The following GRK3 variants were observed in gnomAD, a reference collection of about 807,000 sequenced individuals.
The protein encoded by GRK3 is G protein-coupled receptor kinase 3, also known as adrenergic, beta, receptor kinase 2.
A neutral mutation model predicts 95.7 loss-of-function variants in GRK3; 54 were observed. That is an observed-to-expected ratio of 0.56 (90% CI 0.45 to 0.71). The LOEUF (loss-of-function observed/expected upper bound fraction) is 0.71. GRK3 is among the 30% of genes least tolerant of loss of function. GRK3 has a pLI of 0.00. For synonymous variants in GRK3, 281 were observed against 290.8 expected (o/e 0.97, Z 0.34); for missense variants, 649 against 851.2 (o/e 0.76, Z 2.96).
At chr22:25,698,473 G>A (rs537271813) in intron 13 of GRK3, among the ~76,000 whole-genome samples, 6 of 152,292 alleles carry the variant, frequency 3.9e-5, no homozygotes, top group African/African-American at 1.2e-4. Flanking sequence ...GTGTAGGGTT[G>A]ACATCATGTG....
At chr22:25,709,416 G>A (rs1735956415) in intron 15 of GRK3, among the ~76,000 whole-genome samples, 1 of 152,154 alleles carries the variant, frequency 6.6e-6, no homozygotes, top group African/African-American at 2.4e-5. Context: ...AAGGGTTTTG[G>A]TATACATTAT....
chr22:25,608,730 T>G (rs1314207441), intron 2 of GRK3, among the ~76,000 whole-genome samples: 2 of 152,186 alleles, frequency 1.3e-5, no homozygotes, highest in Middle Eastern at 3.4e-3. Flanking sequence ...GATTCCTACT[T>G]GGAGCCTGTA....
intron 13 of GRK3, among the ~76,000 whole-genome samples, chr22:25,699,160 C>T (rs1022352058): frequency 1.3e-5 from 2 of 152,110 alleles, no homozygotes; most frequent in Admixed American, 6.5e-5. Flanking sequence ...GATAATGCCA[C>T]CTGTTCTACT....
chr22:25,604,876 T>A (rs536425737), intron 2 of GRK3, among the ~76,000 whole-genome samples: 2 of 152,334 alleles, frequency 1.3e-5, no homozygotes, highest in African/African-American at 2.4e-5. Flanking sequence ...GTGCTCTGTT[T>A]CCATGATTAA....
Position 25,661,593 on chromosome 22 carries a change from A to C in GRK3, c.282A>C (p.Lys94Asn). 6.2e-7 allele frequency: 1 copy of C among 1,611,332 alleles called. No homozygotes were observed. Among genetic ancestry groups the C allele is most frequent in the Non-Finnish European group, 8.5e-7 (1 of 1,178,108 alleles). ...AAACCTAGATAAAGGAATATGAAAA[A>C]CTTGATAATGAGGAAGACCGCCTTT... ...KFYEEIKEYE[K>N]LDNEEDRLCR... The change falls in exon 4 of 21, where the codon AAA becomes AAC. Residue 94 changes from lysine to asparagine, a missense_variant. Around this residue, in one of 3 missense-constraint regions of GRK3, gnomAD observed 206 missense variants for 231.4 expected, o/e 0.89. Coordinates refer to ENST00000324198, the MANE Select transcript of GRK3 (RefSeq NM_005160.4).
chr22:25,687,874 C>T (rs1203858371), intron 11 of GRK3, among the ~76,000 whole-genome samples: 1 of 152,186 alleles, frequency 6.6e-6, no homozygotes, highest in African/African-American at 2.4e-5. Flanking sequence ...ATTATTATAA[C>T]CCTGGTGCCT....
intron 2 of GRK3, among the ~76,000 whole-genome samples, chr22:25,604,971 T>G (rs1394139559): frequency 6.6e-6 from 1 of 152,234 alleles, no homozygotes; most frequent in East Asian, 1.9e-4. Context: ...GATGAGGAGA[T>G]GTAGACACAG....
At position 25,727,733 on chromosome 22, in the gene GRK3, T is replaced by A. The variant is rs913610282; in HGVS notation, c.*5283T>A. The A allele has an allele frequency of 1.3e-5, 2 of 152,210 alleles. No individual in the cohort carries two copies. The highest frequency in any genetic ancestry group is 4.8e-5 in the African/African-American group (2 of 41,442). 9.4% of individuals were successfully genotyped at this position (152,210 alleles called of 1,614,324 possible). A position where few individuals can be genotyped will look rare whatever the true frequency, so the allele number is the denominator to read the frequency against. On this transcript the variant is annotated 3_prime_UTR_variant, in exon 21 of 21. Coordinates refer to ENST00000324198, the MANE Select transcript of GRK3 (RefSeq NM_005160.4). ...TGGTAACTATGCTTCCATTTTTAAT[T>A]TTGTCCTAAATATCAGATGTCTTTG...
rs2085487537 is a variant in GRK3, at chr22:25,727,967, A to C, written c.*5517A>C. The stretch of plus-strand genomic sequence containing the variant: ...GATCTGGCTTTTTCTGGATAGCATA[A>C]AGATCACTGAACTATATATATATAA... On this transcript the variant is annotated 3_prime_UTR_variant, in exon 21 of 21. Transcript: ENST00000324198. 6.6e-6 allele frequency: 1 copy of C among 151,980 alleles called. No homozygotes were observed. The highest frequency in any genetic ancestry group is 2.1e-4 in the South Asian group (1 of 4,820). The allele number at this position is 151,980 out of a possible 1,614,324, so 9.4% of individuals were successfully genotyped here. A position where few individuals can be genotyped will look rare whatever the true frequency, so the allele number is the denominator to read the frequency against.
intron 15 of GRK3, among the ~76,000 whole-genome samples, chr22:25,709,671 T>G (rs745758025): frequency 1.3e-5 from 2 of 152,162 alleles, no homozygotes; most frequent in Non-Finnish European, 2.9e-5. Context: ...GTAATAACTA[T>G]CCCAAATAAA....
intron 1 of GRK3, among the ~76,000 whole-genome samples, chr22:25,570,176 G>A (rs182917551): frequency 7.9e-5 from 12 of 152,286 alleles, no homozygotes; most frequent in South Asian, 2.1e-4. Flanking sequence ...CTGCGAAAAC[G>A]GTAATTATGA....
intron 15 of GRK3, among the ~76,000 whole-genome samples, chr22:25,709,394 C>G (rs1270545502): frequency 1.3e-5 from 2 of 152,040 alleles, no homozygotes; most frequent in Non-Finnish European, 1.5e-5. Flanking sequence ...GGATGGGTTT[C>G]TTCAATTTAT....
At chr22:25,570,296 A>T (rs1931646521) in intron 1 of GRK3, among the ~76,000 whole-genome samples, 1 of 152,150 alleles carries the variant, frequency 6.6e-6, no homozygotes, top group African/African-American at 2.4e-5. Context: ...GAAATTGTGT[A>T]ATACACCATC....
chr22:25,590,783 G>A (rs1027106360), intron 1 of GRK3, among the ~76,000 whole-genome samples: 25 of 152,194 alleles, frequency 1.6e-4, no homozygotes, highest in African/African-American at 4.3e-4. Context: ...CCAGCCTAGC[G>A]ACAGAGCGAT....
intron 2 of GRK3, among the ~76,000 whole-genome samples, chr22:25,621,627 C>T (rs551040499): frequency 1.3e-5 from 2 of 152,268 alleles, no homozygotes; most frequent in Admixed American, 1.3e-4. Context: ...TATACTTGGC[C>T]TGATTATTTG....
Position 25,565,141 on chromosome 22 carries a change from T to C in GRK3, c.101T>C (p.Leu34Pro). ...PAARASKRIV[L>P]PEPSIRSVMQ... ...GCCCGCGCCAGCAAGAGGATCGTCCTGCCGGAGCCCAGGTACCAGCTGCCC... is the reference window on the plus strand; with the variant it reads ...GCCCGCGCCAGCAAGAGGATCGTCCCGCCGGAGCCCAGGTACCAGCTGCCC... Residue 34 changes from leucine to proline, a missense_variant, in exon 1 of 21, where the codon CTG (leucine) becomes CCG (proline). By Grantham distance (98) the Leu-to-Pro change is moderately conservative (BLOSUM62 -3). Around this residue, in one of 3 missense-constraint regions of GRK3, gnomAD observed 206 missense variants for 231.4 expected, o/e 0.89. Transcript: ENST00000324198. 1 of 1,526,642 alleles carries C rather than the reference T, an allele frequency of 6.6e-7. No individual in the cohort carries two copies. Among genetic ancestry groups the C allele is most frequent in the Non-Finnish European group, 8.8e-7 (1 of 1,139,496 alleles). The allele number at this position is 1,526,642 out of a possible 1,614,324, so 94.6% of individuals were successfully genotyped here.
chr22:25,662,383 C>A (rs1039233317), intron 4 of GRK3, among the ~76,000 whole-genome samples: 1 of 152,146 alleles, frequency 6.6e-6, no homozygotes, highest in South Asian at 2.1e-4. Context: ...AAATTTAATA[C>A]CTCAGTTCCT....
chr22:25,677,751 C>T (rs2085043216), intron 8 of GRK3, among the ~76,000 whole-genome samples: 1 of 152,158 alleles, frequency 6.6e-6, no homozygotes, highest in Non-Finnish European at 1.5e-5. Flanking sequence ...AGGAAGTAGT[C>T]CATCATCTGG....
At chr22:25,630,396 CTTATT>C (rs770583968) in intron 2 of GRK3, among the ~76,000 whole-genome samples, 5 of 152,122 alleles carry the variant, frequency 3.3e-5, no homozygotes, top group African/African-American at 4.8e-5. Flanking sequence ...TTAAATCTCT[CTTATT>C]TTAACTGTCA....
Sources: gnomAD v4.1 joint callset for allele counts (sites outside exome capture counted in the v4.1 genomes callset) on GRCh38, gnomAD v4.1.1 for gene constraint, gnomAD v4.1.1 regional missense constraint, MANE v1.5 for transcripts, NCBI Gene and HGNC (gene_info 2026-07-23, HGNC 2026-07-21) for gene names.